The following FER1L6 variants were observed in gnomAD, a reference collection of about 807,000 sequenced individuals.
FER1L6 encodes fer-1-like protein 6.
Under a neutral mutation model 219.2 loss-of-function variants are expected in FER1L6, and 177 were observed. That is an observed-to-expected ratio of 0.81 (90% confidence interval 0.71 to 0.91). The LOEUF (loss-of-function observed/expected upper bound fraction) is 0.91, where lower values mean the gene tolerates loss of function less well. Among genes scored for constraint, FER1L6 ranks in the 40% least tolerant of loss-of-function variants. The pLI is 0.00. For missense variants in FER1L6, 2,153 were observed against 2,259.9 expected (o/e 0.95, Z 0.96); for synonymous variants, 768 against 824.3 (o/e 0.93, Z 1.17).
chr8:123,986,466 A>G (rs1816590759), intron 12 of FER1L6, among the ~76,000 whole-genome samples: 2 of 152,184 alleles, frequency 1.3e-5, no homozygotes, highest in African/African-American at 4.8e-5. Flanking sequence ...ACTAGGGTAT[A>G]TAGGGGATCT....
At chr8:124,049,217 T>C (rs1395882939) in intron 21 of FER1L6, among the ~76,000 whole-genome samples, 5 of 151,994 alleles carry the variant, frequency 3.3e-5, no homozygotes, top group Non-Finnish European at 7.4e-5. Flanking sequence ...CCAACTAATT[T>C]TTGTATTTTT....
At chr8:123,868,293 G>A (rs1816871084) in intron 1 of FER1L6, among the ~76,000 whole-genome samples, 1 of 152,156 alleles carries the variant, frequency 6.6e-6, no homozygotes, top group African/African-American at 2.4e-5. Context: ...TCCAAAGGTG[G>A]TAAGAAGTTT....
intron 39 of FER1L6, among the ~76,000 whole-genome samples, chr8:124,109,406 A>C (rs749132695): frequency 6.6e-6 from 1 of 152,138 alleles, no homozygotes; most frequent in Non-Finnish European, 1.5e-5. Context: ...GCCTTCTTGA[A>C]CATGTCTAGT....
rs1554617942 is a variant in FER1L6 at position 123,936,476 on chromosome 8, T to TG, written c.-7-19516_-7-19515insG. ...AATTGCAGCCTGTTTTTTTTTTTTT[T>TG]TTTTTTTTTTGTAAACAGTGCTGAA... On this transcript the variant is annotated intron_variant, in intron 1 of 40. Coordinates refer to ENST00000522917, the MANE Select transcript of FER1L6 (RefSeq NM_001039112.2). Among the ~76,000 whole-genome samples, 345 of 127,342 alleles carry TG rather than the reference T, an allele frequency of 2.7e-3. 4 individuals are homozygous for TG. The highest frequency in any genetic ancestry group is 8.8e-3 in the African/African-American group (329 of 37,246). The allele number at this position is 127,342 out of a possible 152,430, so 83.5% of individuals were successfully genotyped here.
At chr8:123,962,110 C>T (rs1016811055) in intron 2 of FER1L6, among the ~76,000 whole-genome samples, 13 of 152,136 alleles carry the variant, frequency 8.5e-5, no homozygotes, top group African/African-American at 1.2e-4. Context: ...AGGATGGTCT[C>T]GATATCTTGA....
chr8:123,855,708 T>TAC (rs140178078), intron 1 of FER1L6, among the ~76,000 whole-genome samples: 59 of 142,922 alleles, frequency 4.1e-4, no homozygotes, highest in East Asian at 8.4e-4. Context: ...TGTGTATATG[T>TAC]ACACACACAC....
chr8:123,935,074 A>T (rs1237692767), intron 1 of FER1L6, among the ~76,000 whole-genome samples: 1 of 152,212 alleles, frequency 6.6e-6, no homozygotes, highest in African/African-American at 2.4e-5. Flanking sequence ...TACAGCCTTC[A>T]TTGATGATTC....
chr8:124,102,827 C>T (rs1822600937), intron 38 of FER1L6, among the ~76,000 whole-genome samples: 1 of 152,126 alleles, frequency 6.6e-6, no homozygotes, highest in African/African-American at 2.4e-5. Context: ...ATAATCCAGG[C>T]TTAGGGAGCA....
intron 1 of FER1L6, among the ~76,000 whole-genome samples, chr8:123,937,431 G>A (rs1244886280): frequency 6.6e-6 from 1 of 152,160 alleles, no homozygotes; most frequent in African/African-American, 2.4e-5. Context: ...ACCAATGGGT[G>A]AGGTCACATA....
rs964900751 is a variant in FER1L6, at chr8:123,926,444, G to T, written c.-7-29548G>T. The stretch of plus-strand genomic sequence containing the variant: ...AGGACCCGAGTGTGCATAGGGGAAA[G>T]GTTGGCCTGCGGCCAGCTCTGGGAG... On this transcript the variant is annotated intron_variant, in intron 1 of 40. Transcript: ENST00000522917. 4.6e-5 allele frequency among the ~76,000 whole-genome samples: 7 copies of T among 152,330 alleles called. No homozygotes were observed. The South Asian group carries it at 1.2e-3, about 27-fold the overall frequency.
chr8:124,009,976 G>C (rs1173867449), intron 13 of FER1L6, among the ~76,000 whole-genome samples: 1 of 151,694 alleles, frequency 6.6e-6, no homozygotes, highest in East Asian at 1.9e-4. Context: ...TGTTGTCGTA[G>C]TTTGAGGGTC....
chr8:123,994,150 G>T (rs570699976), intron 12 of FER1L6, among the ~76,000 whole-genome samples: 1 of 152,344 alleles, frequency 6.6e-6, no homozygotes, highest in South Asian at 2.1e-4. Flanking sequence ...AGTGGTGGTG[G>T]TGGGATTTGT....
At chr8:124,094,701 C>T (rs769641726) in intron 34 of FER1L6, among the ~76,000 whole-genome samples, 195 bp from the exon 35 acceptor site, 1 of 152,078 alleles carries the variant, frequency 6.6e-6, no homozygotes, top group Non-Finnish European at 1.5e-5. Flanking sequence ...TGGCCAGGCT[C>T]ATCTTGAACT....
intron 1 of FER1L6, among the ~76,000 whole-genome samples, chr8:123,870,813 A>G (rs1165237054): frequency 1.3e-5 from 2 of 152,210 alleles, no homozygotes; most frequent in Non-Finnish European, 1.5e-5. Context: ...TTAAATAATC[A>G]TGTAAGAGGT....
intron 1 of FER1L6, among the ~76,000 whole-genome samples, chr8:123,882,239 A>G (rs1489540575): frequency 2.6e-5 from 4 of 152,212 alleles, no homozygotes; most frequent in South Asian, 2.1e-4. Flanking sequence ...TAGATTCACT[A>G]TCTAGTAGAT....
intron 2 of FER1L6, among the ~76,000 whole-genome samples, chr8:123,960,028 T>A (rs540434507): frequency 6.6e-6 from 1 of 152,342 alleles, no homozygotes; most frequent in Admixed American, 6.5e-5. Flanking sequence ...TACATAGACT[T>A]GAACATCTAC....
intron 39 of FER1L6, among the ~76,000 whole-genome samples, chr8:124,113,251 C>T (rs754569909): frequency 6.6e-6 from 1 of 151,890 alleles, no homozygotes; most frequent in African/African-American, 2.4e-5. Context: ...CATAGATCCA[C>T]CACCAAGATT....
At chr8:123,999,649 C>T (rs569935896) in intron 12 of FER1L6, among the ~76,000 whole-genome samples, 19 of 152,184 alleles carry the variant, frequency 1.2e-4, no homozygotes, top group African/African-American at 4.1e-4. Context: ...GGCCACAGAG[C>T]GAGACTCCAT....
At chr8:123,857,912 G>T (rs1467311597) in intron 1 of FER1L6, among the ~76,000 whole-genome samples, 1 of 152,180 alleles carries the variant, frequency 6.6e-6, no homozygotes, top group East Asian at 1.9e-4. Context: ...CTCTCCAAAA[G>T]CTGAACACAT....
Sources: allele counts gnomAD v4.1 joint callset (sites outside exome capture counted in the v4.1 genomes callset), GRCh38; gene constraint gnomAD v4.1.1; transcripts MANE v1.5; gene names NCBI Gene and HGNC (gene_info 2026-07-23, HGNC 2026-07-21).